The following ZNF280D variants were observed in gnomAD, a reference collection of about 807,000 sequenced individuals.
The protein encoded by ZNF280D is zinc finger protein 280D.
Under a neutral mutation model 94.7 loss-of-function variants are expected in ZNF280D, and 39 were observed. The observed-to-expected ratio is 0.41, with a 90% CI of 0.32 to 0.54. The LOEUF (loss-of-function observed/expected upper bound fraction) is 0.54. Among genes scored for constraint, ZNF280D ranks in the 20% least tolerant of loss-of-function variants. ZNF280D has a pLI of 0.22. For synonymous variants in ZNF280D, 398 were observed against 377.6 expected (o/e 1.05, Z -0.63); for missense variants, 1,090 against 1,149.3 (o/e 0.95, Z 0.75).
intron 1 of ZNF280D, among the ~76,000 whole-genome samples, chr15:56,723,304 AT>A (rs139384093): frequency 2.6e-5 from 4 of 152,198 alleles, no homozygotes; most frequent in Admixed American, 2.6e-4. Flanking sequence ...TTATTTAGCA[AT>A]TTTTTAAAAT....
At chr15:56,687,571 T>C (rs572247699) in intron 9 of ZNF280D, among the ~76,000 whole-genome samples, 37 of 152,304 alleles carry the variant, frequency 2.4e-4, no homozygotes, top group African/African-American at 8.4e-4. Context: ...GATAAGATTC[T>C]TCACATGTAT....
chr15:56,694,435 A>G (rs1596531948), intron 6 of ZNF280D, among the ~76,000 whole-genome samples: 1 of 152,110 alleles, frequency 6.6e-6, no homozygotes. Flanking sequence ...GTCATAATAC[A>G]TAACAAGCGG....
At chr15:56,724,653 T>G (rs2058543293) in intron 1 of ZNF280D, among the ~76,000 whole-genome samples, 1 of 152,244 alleles carries the variant, frequency 6.6e-6, no homozygotes, top group African/African-American at 2.4e-5. Context: ...CTGTAAAGGA[T>G]GATAACACCG....
chr15:56,652,692 A>G, intron 19 of ZNF280D: 1 of 985,368 alleles, frequency 1.0e-6, no homozygotes, highest in Non-Finnish European at 1.2e-6. Flanking sequence ...TACATCTTAG[A>G]CGCACAAATA....
At position 56,690,314 on chromosome 15, in the gene ZNF280D, G is replaced by A. The variant is rs189054227; in HGVS notation, c.500-844C>T. Among the ~76,000 whole-genome samples the A allele has an allele frequency of 3.4e-4, 52 of 152,154 alleles. No individual in the cohort carries two copies. In the East Asian group the frequency reaches 4.6e-3, roughly 14 times the overall value. On this transcript the variant is annotated intron_variant, in intron 7 of 21. Transcript: ENST00000267807. ...GGAGAATGGCATGAACCTGGGAGGC[G>A]GTGCTTGCAGTGAGCCGAGATCGCG...
Position 56,682,393 on chromosome 15 carries a change from C to T in ZNF280D, c.865G>A (p.Asp289Asn). ...ATGATCAATTTTCCTTTCTCTGAATCAATAGTTGTGTTTTTATTTACTGTA... is the reference window on the plus strand; with the variant it reads ...ATGATCAATTTTCCTTTCTCTGAATTAATAGTTGTGTTTTTATTTACTGTA... ...SSTVNKNTTI[D>N]SEKGKLIMLV... Residue 289 changes from aspartate to asparagine, a missense_variant, in exon 10 of 22, where the codon GAT becomes AAT. Asp to Asn is a conservative substitution (Grantham distance 23). Transcript: ENST00000267807. 6.4e-7 allele frequency: 1 copy of T among 1,572,056 alleles called. No individual in the cohort carries two copies. Among genetic ancestry groups the T allele is most frequent in the Non-Finnish European group, 8.6e-7 (1 of 1,163,784 alleles).
intron 1 of ZNF280D, among the ~76,000 whole-genome samples, chr15:56,716,222 T>C (rs2058036077): frequency 6.6e-6 from 1 of 152,064 alleles, no homozygotes; most frequent in Non-Finnish European, 1.5e-5. Context: ...ATGAAACTTG[T>C]GGTCTAGAGA....
intron 21 of ZNF280D, among the ~76,000 whole-genome samples, chr15:56,633,358 A>G (rs1362222623): frequency 2.0e-5 from 3 of 152,212 alleles, no homozygotes; most frequent in Non-Finnish European, 4.4e-5. Flanking sequence ...TATACTTTAG[A>G]ACTAAACAAA....
intron 19 of ZNF280D, among the ~76,000 whole-genome samples, chr15:56,644,338 A>G (rs1301394039): frequency 6.6e-6 from 1 of 152,136 alleles, no homozygotes; most frequent in Non-Finnish European, 1.5e-5. Flanking sequence ...ATACAGTATA[A>G]CTTCACTGCT....
At chr15:56,723,654 T>C (rs1190329521) in intron 1 of ZNF280D, among the ~76,000 whole-genome samples, 1 of 152,204 alleles carries the variant, frequency 6.6e-6, no homozygotes, top group African/African-American at 2.4e-5. Flanking sequence ...TAATTATATC[T>C]AGTCAATTCC....
At chr15:56,652,966 T>C (rs899325324) in intron 19 of ZNF280D, 20 of 914,112 alleles carry the variant, frequency 2.2e-5, no homozygotes, top group African/African-American at 1.4e-4. Flanking sequence ...ATAGACATCA[T>C]AAAATAGACA....
intron 1 of ZNF280D, among the ~76,000 whole-genome samples, chr15:56,712,675 A>T (rs979140006): frequency 1.3e-5 from 2 of 151,528 alleles, no homozygotes; most frequent in African/African-American, 2.4e-5. Context: ...TATTTTCTAA[A>T]AAATAAATAA....
chr15:56,694,428 A>G (rs890958180), intron 6 of ZNF280D, among the ~76,000 whole-genome samples: 1 of 152,074 alleles, frequency 6.6e-6, no homozygotes, highest in Admixed American at 6.6e-5. Context: ...TCTACATGTC[A>G]TAATACATAA....
At chr15:56,732,349 T>A (rs1461895519) in intron 1 of ZNF280D, among the ~76,000 whole-genome samples, 1 of 152,156 alleles carries the variant, frequency 6.6e-6, no homozygotes, top group Non-Finnish European at 1.5e-5. Flanking sequence ...GTATTTGTAG[T>A]GATGTTAAAA....
At chr15:56,646,495 G>A (rs1406547430) in intron 19 of ZNF280D, among the ~76,000 whole-genome samples, 6 of 152,052 alleles carry the variant, frequency 3.9e-5, no homozygotes, top group Non-Finnish European at 5.9e-5. Flanking sequence ...GAGACATTCA[G>A]GGACTAAATT....
chr15:56,688,800 T>C, intron 9 of ZNF280D: 1 of 235,644 alleles, frequency 4.2e-6, no homozygotes, highest in Non-Finnish European at 8.1e-6. Flanking sequence ...TAATACATTA[T>C]TTTTATTTAA....
In ZNF280D at chr15:56,631,432, G is replaced by A; in HGVS notation, c.*66C>T. 6.5e-7 allele frequency: 1 copy of A among 1,535,934 alleles called. No individual in the cohort carries two copies. Among genetic ancestry groups the A allele is most frequent in the Non-Finnish European group, 8.9e-7 (1 of 1,128,054 alleles). On this transcript the variant is annotated 3_prime_UTR_variant, in exon 22 of 22. Coordinates refer to ENST00000267807, the MANE Select transcript of ZNF280D (RefSeq NM_017661.4). ...TCTGAACCTACAACAGCACCACTGAGCTCACCTGATAGCACTGTTCCAAAT... is the reference window on the plus strand; with the variant it reads ...TCTGAACCTACAACAGCACCACTGAACTCACCTGATAGCACTGTTCCAAAT...
chr15:56,706,346 C>T (rs951563123), intron 3 of ZNF280D, among the ~76,000 whole-genome samples: 4 of 151,140 alleles, frequency 2.6e-5, no homozygotes, highest in Non-Finnish European at 4.4e-5. Context: ...GGCGTGGTGG[C>T]GAGTAACTGT....
intron 4 of ZNF280D, among the ~76,000 whole-genome samples, chr15:56,703,135 C>T (rs370340458): frequency 1.2e-4 from 19 of 152,208 alleles, no homozygotes; most frequent in African/African-American, 4.1e-4. Flanking sequence ...AGTATCTGCA[C>T]GTTAATATTA....
Sources: allele counts gnomAD v4.1 joint callset (sites outside exome capture counted in the v4.1 genomes callset), GRCh38; gene constraint gnomAD v4.1.1; transcripts MANE v1.5; gene names NCBI Gene and HGNC (gene_info 2026-07-23, HGNC 2026-07-21).